Variants in PROZ observed in about 807,000 individuals in gnomAD.
PROZ encodes protein Z, vitamin K dependent plasma glycoprotein, also known as vitamin K-dependent protein Z.
A neutral mutation model predicts 34.9 loss-of-function variants in PROZ; 46 were observed. That is an observed-to-expected ratio of 1.32 (90% confidence interval 1.04 to 1.69). The LOEUF is 1.69. Among genes scored for constraint, PROZ ranks in the 40% most tolerant of loss-of-function variants. The probability of loss-of-function intolerance (pLI) is 0.00; values close to 1 mark genes in which losing one functional copy is unlikely to be tolerated. For missense variants in PROZ, 530 were observed against 520.4 expected (o/e 1.02, Z -0.18); for synonymous variants, 195 against 208.5 (o/e 0.94, Z 0.56).
Position 113,172,150 on chromosome 13 carries a change from A to C in PROZ, c.*45A>C. The C allele has an allele frequency of 6.2e-7, 1 of 1,603,674 alleles. No individual in the cohort carries two copies. Among genetic ancestry groups the C allele is most frequent in the Non-Finnish European group, 8.5e-7 (1 of 1,175,630 alleles). On this transcript the variant is annotated 3_prime_UTR_variant, in exon 8 of 8. Coordinates refer to ENST00000375547, the MANE Select transcript of PROZ (RefSeq NM_003891.3). ...AATGAACAACACAACCGGAAGCGGG[A>C]TTCCAAGCTGGCACTGCCACTGTGG...
chr13:113,167,797 A>G (rs1170457248), intron 6 of PROZ, among the ~76,000 whole-genome samples: 1 of 148,880 alleles, frequency 6.7e-6, no homozygotes, highest in Non-Finnish European at 1.5e-5. Flanking sequence ...GTAATTGTCG[A>G]TATGTTTACG....
At position 113,171,016 on chromosome 13, in the gene PROZ, G is replaced by A. The variant is rs981994413; in HGVS notation, c.691+486G>A. The stretch of plus-strand genomic sequence containing the variant: ...AGGCTCACTGCAACCTCTGCCTCCT[G>A]GGTTCAAGCGATTCTCATGCCTCAG... On this transcript the variant is annotated intron_variant, in intron 7 of 7. Coordinates refer to ENST00000375547, the MANE Select transcript of PROZ (RefSeq NM_003891.3). The surrounding 1 kb of genome is among the most constrained non-coding windows in gnomAD (Gnocchi z 5.1). 4.0e-5 allele frequency among the ~76,000 whole-genome samples: 6 copies of A among 151,806 alleles called. No homozygotes were observed. Among genetic ancestry groups the A allele is most frequent in the Non-Finnish European group, 8.8e-5 (6 of 67,994 alleles).
Position 113,159,853 on chromosome 13 carries a change from G to T in PROZ, c.71-161G>T, listed in dbSNP as rs537042708. On this transcript the variant is annotated intron_variant, in intron 1 of 7. Transcript: ENST00000375547. The surrounding 1 kb of genome is among the most constrained non-coding windows in gnomAD (Gnocchi z 4.6). ...AGAGGATGAAGTGCTTGCCTACCTC[G>T]GGGGAGGGAGTAGCGGGGTGGCCCT... 1.3e-5 allele frequency among the ~76,000 whole-genome samples: 2 copies of T among 152,334 alleles called. No homozygotes were observed. Among genetic ancestry groups the T allele is most frequent in the Admixed American group, 1.3e-4 (2 of 15,306 alleles).
chr13:113,160,855 A>G (rs2036746565), intron 2 of PROZ, 93 bp from the exon 3 acceptor site: 7 of 1,150,100 alleles, frequency 6.1e-6, no homozygotes, highest in Non-Finnish European at 9.1e-6. Context: ...AGTGAATAAA[A>G]TCAACATTTT....
chr13:113,172,260 T>C lies in PROZ; in HGVS notation c.*155T>C. ...GCCCACGCAGCAGCAGAGCCGCCGTTTGCTGGGTTGTTTACCGAGCACTGT... is the reference window on the plus strand; with the variant it reads ...GCCCACGCAGCAGCAGAGCCGCCGTCTGCTGGGTTGTTTACCGAGCACTGT... On this transcript the variant is annotated 3_prime_UTR_variant, in exon 8 of 8. Transcript: ENST00000375547. 9.7e-7 allele frequency: 1 copy of C among 1,031,286 alleles called. No individual in the cohort carries two copies. Among genetic ancestry groups the C allele is most frequent in the East Asian group, 2.6e-5 (1 of 38,604 alleles). The allele number at this position is 1,031,286 out of a possible 1,614,324, so 63.9% of individuals were successfully genotyped here.
At chr13:113,166,162 C>T (rs1364009297) in intron 6 of PROZ, 4 of 152,232 alleles carry the variant, frequency 2.6e-5, no homozygotes, top group Non-Finnish European at 5.9e-5. Context: ...AATAGAAATG[C>T]AGTGTAAACC....
In PROZ at chr13:113,159,112, C is replaced by T. The variant is rs935045978; in HGVS notation, c.70+382C>T. 15 of 1,104,480 alleles carry T rather than the reference C, an allele frequency of 1.4e-5. No homozygotes were observed. The African/African-American group carries it at 2.2e-4, about 16-fold the overall frequency. The allele number at this position is 1,104,480 out of a possible 1,614,324, so 68.4% of individuals were successfully genotyped here. ...CAATGTGGGCAGAGAGAGCCTTGGC[C>T]AGGCCAGCCAGGAATGCCCAGTCTT... On this transcript the variant is annotated intron_variant, in intron 1 of 7. Coordinates refer to ENST00000375547, the MANE Select transcript of PROZ (RefSeq NM_003891.3). The surrounding 1 kb of genome is among the most constrained non-coding windows in gnomAD (Gnocchi z 4.6).
Position 113,162,996 on chromosome 13 carries a change from C to CAA in PROZ, c.260-13_260-12insAA. On this transcript the variant is annotated splice_polypyrimidine_tract_variant and intron_variant, in intron 3 of 7. Coordinates refer to ENST00000375547, the MANE Select transcript of PROZ (RefSeq NM_003891.3). ...CTGTCACCACCACCCCAACCCCCAT[C>CAA]CTCCTCCTGCAGGCGGCTCCCCGTG... 6.9e-7 allele frequency: 1 copy of CAA among 1,443,750 alleles called. No individual in the cohort carries two copies. The highest frequency in any genetic ancestry group is 9.4e-7 in the Non-Finnish European group (1 of 1,058,432). The allele number at this position is 1,443,750 out of a possible 1,614,324, so 89.4% of individuals were successfully genotyped here.
chr13:113,168,852 T>C (rs1357501945), intron 6 of PROZ, among the ~76,000 whole-genome samples: 2 of 152,120 alleles, frequency 1.3e-5, no homozygotes, highest in Non-Finnish European at 2.9e-5. Flanking sequence ...CCTCAGCGTC[T>C]TGAGTAGCTG....
At chr13:113,168,367 T>A (rs1178450687) in intron 6 of PROZ, among the ~76,000 whole-genome samples, 2 of 152,208 alleles carry the variant, frequency 1.3e-5, no homozygotes, top group African/African-American at 4.8e-5. Context: ...AGAAGCCTTC[T>A]TGCGTTTGTC....
In PROZ at chr13:113,171,805, C is replaced by T. The variant is rs3024773; in HGVS notation, c.903C>T (p.Ser301=). 1,961 of 1,613,442 alleles carry T rather than the reference C, an allele frequency of 1.2e-3. 27 individuals carry two copies. The African/African-American group carries it at 0.023, about 19-fold the overall frequency. Reference sequence around the variant, plus strand: ...TCCCACGCACCAGGGGCCTCCTCAGCGGCTGGGCACGCAATGGCACTGACC... The same window carrying T: ...TCCCACGCACCAGGGGCCTCCTCAGTGGCTGGGCACGCAATGGCACTGACC... ...LLIPRTRGLL[S]GWARNGTDLG... The change falls in exon 8 of 8, where the codon AGC becomes AGT. Residue 301 remains serine (S), a synonymous_variant. Transcript: ENST00000375547. This position sits in a 1 kb window ranked among gnomAD's most constrained non-coding sequence, Gnocchi z 5.1.
At position 113,172,098 on chromosome 13, in the gene PROZ, T is replaced by C; in HGVS notation, c.1196T>C (p.Met399Thr). 6.2e-7 allele frequency: 1 copy of C among 1,612,540 alleles called. No homozygotes were observed. The highest frequency in any genetic ancestry group is 8.5e-7 in the Non-Finnish European group (1 of 1,179,898). ...SRYSLWFKQI[M>T]N ...TACTCACTCTGGTTTAAACAGATCA[T>C]GAACTAACTGAAACTCAGCTAGCCA... Residue 399 changes from methionine to threonine, a missense_variant, in exon 8 of 8, where the codon ATG (methionine) becomes ACG (threonine). Transcript: ENST00000375547.
intron 6 of PROZ, among the ~76,000 whole-genome samples, chr13:113,165,526 T>C (rs2036900482): frequency 1.3e-5 from 2 of 152,172 alleles, no homozygotes; most frequent in Admixed American, 6.5e-5. Flanking sequence ...TAACCATTCA[T>C]TTGTTTTTGG....
At chr13:113,166,375 C>T (rs968930303) in intron 6 of PROZ, 1 of 152,168 alleles carries the variant, frequency 6.6e-6, no homozygotes, top group Non-Finnish European at 1.5e-5. Flanking sequence ...CACAATGCTC[C>T]GTACCCGAGT....
At chr13:113,165,168 C>T in intron 6 of PROZ, 48 bp downstream of exon 6, 1 of 1,541,744 alleles carries the variant, frequency 6.5e-7, no homozygotes, top group Non-Finnish European at 8.9e-7. Context: ...ATGACTTTCA[C>T]CTCACTTGTC....
chr13:113,165,411 C>T (rs147538030), intron 6 of PROZ, among the ~76,000 whole-genome samples: 11 of 152,322 alleles, frequency 7.2e-5, no homozygotes, highest in Admixed American at 5.2e-4. Flanking sequence ...TCTCTGCTCT[C>T]GGCTGCTGGC....
Position 113,164,660 on chromosome 13 carries a change from A to T in PROZ, c.505+16A>T, listed in dbSNP as rs748252384. The T allele has an allele frequency of 6.2e-7, 1 of 1,613,146 alleles. No individual in the cohort carries two copies. Among genetic ancestry groups the T allele is most frequent in the Non-Finnish European group, 8.5e-7 (1 of 1,179,866 alleles). ...GTGCCCCACGGTGAGTGCTCAGACCACAGCGGCCTCCAGCTTCCAATGCCA... is the reference window on the plus strand; with the variant it reads ...GTGCCCCACGGTGAGTGCTCAGACCTCAGCGGCCTCCAGCTTCCAATGCCA... On this transcript the variant is annotated intron_variant, in intron 5 of 7. Transcript: ENST00000375547.
chr13:113,167,762 G>A (rs2036982702), intron 6 of PROZ, among the ~76,000 whole-genome samples: 1 of 152,092 alleles, frequency 6.6e-6, no homozygotes, highest in South Asian at 2.1e-4. Context: ...TTTAATTGGG[G>A]TATTTAGGCC....
At chr13:113,162,964 C>T (rs1256934486) in intron 3 of PROZ, 45 bp from the exon 4 acceptor site, 1 of 1,324,404 alleles carries the variant, frequency 7.6e-7, no homozygotes, top group Non-Finnish European at 1.1e-6. Flanking sequence ...TGCTCAGGTC[C>T]CCGTTCCTGT....
Sources: gnomAD v4.1 joint callset for allele counts (sites outside exome capture counted in the v4.1 genomes callset) on GRCh38, gnomAD v4.1.1 for gene constraint, Gnocchi (gnomAD v3.1) non-coding constraint, MANE v1.5 for transcripts, NCBI Gene and HGNC (gene_info 2026-07-23, HGNC 2026-07-21) for gene names.